The following PPARD variants were observed in gnomAD, a reference collection of about 807,000 sequenced individuals.
PPARD encodes peroxisome proliferator activated receptor delta.
A neutral mutation model predicts 39.5 loss-of-function variants in PPARD; 6 were observed. The ratio of observed to expected loss-of-function variants is 0.15; its 90% CI spans 0.08 to 0.30. The LOEUF (loss-of-function observed/expected upper bound fraction) is 0.30, where lower values mean the gene tolerates loss of function less well. Ranked by LOEUF, PPARD falls within the 10% of genes least tolerant of loss-of-function variation. The pLI, the probability that PPARD is intolerant of heterozygous loss-of-function variation, is 1.00. For missense variants in PPARD, 397 were observed against 596.8 expected (o/e 0.67, Z 3.49); for synonymous variants, 210 against 231.3 (o/e 0.91, Z 0.83).
chr6:35,377,082 G>A (rs1408620895), intron 2 of PPARD, among the ~76,000 whole-genome samples: 1 of 152,008 alleles, frequency 6.6e-6, no homozygotes, highest in African/African-American at 2.4e-5. Context: ...TTGGAGAAGT[G>A]TTCAGCTTCT....
At chr6:35,361,838 G>A (rs779603846) in intron 2 of PPARD, among the ~76,000 whole-genome samples, 4 of 152,222 alleles carry the variant, frequency 2.6e-5, no homozygotes, top group Admixed American at 6.5e-5. Context: ...TCTGGGTGTT[G>A]GGCACGAGGT....
chr6:35,399,023 G>A (rs1764520112), intron 2 of PPARD, among the ~76,000 whole-genome samples: 1 of 152,124 alleles, frequency 6.6e-6, no homozygotes, highest in African/African-American at 2.4e-5. Flanking sequence ...TGAGGTGGGA[G>A]AATTGCTTGA....
intron 2 of PPARD, among the ~76,000 whole-genome samples, chr6:35,396,644 C>T (rs906998671): frequency 4.0e-5 from 6 of 150,480 alleles, no homozygotes; most frequent in Non-Finnish European, 3.0e-5. Flanking sequence ...TCCTGGTTAA[C>T]GTGGTGAAAT....
intron 2 of PPARD, among the ~76,000 whole-genome samples, chr6:35,380,476 GTTTTTTTTTTTTTTTT>G (rs71002557): frequency 0.02 from 1,354 of 67,190 alleles, 41 homozygotes; most frequent in African/African-American, 0.062. Context: ...TTTTTTGTTT[GTTTTTTTTTTTTTTTT>G]TTTTTTTTTT....
At chr6:35,383,399 G>T (rs1334356954) in intron 2 of PPARD, among the ~76,000 whole-genome samples, 1 of 152,164 alleles carries the variant, frequency 6.6e-6, no homozygotes, top group Non-Finnish European at 1.5e-5. Context: ...CCTCCCAGCC[G>T]CCTGCCTTGG....
chr6:35,365,138 T>TA (rs1762139650), intron 2 of PPARD, among the ~76,000 whole-genome samples: 1 of 145,154 alleles, frequency 6.9e-6, no homozygotes, highest in Non-Finnish European at 1.5e-5. Flanking sequence ...TTCTTTTTTT[T>TA]TTTTTTTTTT....
Position 35,412,986 on chromosome 6 carries a change from CAG to C in PPARD, c.130+1770_130+1771del, listed in dbSNP as rs1765524548. Among the ~76,000 whole-genome samples, 1 of 152,092 alleles carries C rather than the reference CAG, an allele frequency of 6.6e-6. No homozygotes were observed. Among genetic ancestry groups the C allele is most frequent in the Non-Finnish European group, 1.5e-5 (1 of 68,014 alleles). On this transcript the variant is annotated intron_variant, in intron 3 of 7. Transcript: ENST00000360694. This position sits in a 1 kb window ranked among gnomAD's most constrained non-coding sequence, Gnocchi z 4.1. ...ATGAGTGTGGGATGTCATGAGGATT[CAG>C]GGGAGAATGCAAGGAGAAGAGACGG...
At chr6:35,391,092 G>C (rs1763975448) in intron 2 of PPARD, among the ~76,000 whole-genome samples, 1 of 152,152 alleles carries the variant, frequency 6.6e-6, no homozygotes, top group African/African-American at 2.4e-5. Context: ...AATATATTGT[G>C]ATATATGATT....
intron 2 of PPARD, among the ~76,000 whole-genome samples, chr6:35,405,813 A>G (rs542059989): frequency 5.3e-4 from 81 of 151,948 alleles, no homozygotes; most frequent in Non-Finnish European, 9.9e-4. Context: ...TATTTTTAGT[A>G]GAGATGGGGT....
chr6:35,376,331 G>A (rs1330038947), intron 2 of PPARD, among the ~76,000 whole-genome samples: 2 of 152,176 alleles, frequency 1.3e-5, no homozygotes, highest in Non-Finnish European at 2.9e-5. Context: ...TACCACCAAA[G>A]TCTCTATATT....
At chr6:35,389,826 G>A (rs551834371) in intron 2 of PPARD, among the ~76,000 whole-genome samples, 45 of 152,340 alleles carry the variant, frequency 3.0e-4, no homozygotes, top group African/African-American at 1.1e-3. Context: ...TACAGGAACT[G>A]TATCATTTTG....
intron 2 of PPARD, chr6:35,348,326 G>A: frequency 2.0e-6 from 2 of 984,140 alleles, no homozygotes; most frequent in Non-Finnish European, 2.4e-6. Flanking sequence ...ATGAGAGCTG[G>A]CCATAACACA....
chr6:35,424,946 A>G lies in PPARD; in HGVS notation c.1078+167A>G, dbSNP rs545495698. 1.4e-6 allele frequency: 2 copies of G among 1,437,674 alleles called. No homozygotes were observed. Among genetic ancestry groups the G allele is most frequent in the East Asian group, 2.5e-5 (1 of 40,038 alleles). 89.1% of individuals were successfully genotyped at this position (1,437,674 alleles called of 1,614,324 possible). On this transcript the variant is annotated intron_variant, in intron 7 of 7. Coordinates refer to ENST00000360694, the MANE Select transcript of PPARD (RefSeq NM_006238.5). The surrounding 1 kb of genome is among the most constrained non-coding windows in gnomAD (Gnocchi z 7.1). ...TGACTGAGCATGCAGGATCAGCTCCATCTCATTATGTACGTAGATAGAGGT... is the reference window on the plus strand; with the variant it reads ...TGACTGAGCATGCAGGATCAGCTCCGTCTCATTATGTACGTAGATAGAGGT...
intron 2 of PPARD, among the ~76,000 whole-genome samples, chr6:35,409,937 A>G (rs9658129): frequency 0.013 from 1,979 of 152,340 alleles, 16 homozygotes; most frequent in Middle Eastern, 0.027. Context: ...AAAACTCCCC[A>G]GTGACTACAG....
chr6:35,360,087 C>T (rs1016018146), intron 2 of PPARD, among the ~76,000 whole-genome samples: 2 of 152,032 alleles, frequency 1.3e-5, no homozygotes, highest in African/African-American at 4.8e-5. Context: ...CTTGGGGCCT[C>T]CTGCAGAGTC....
At chr6:35,358,029 C>T (rs1181545838) in intron 2 of PPARD, among the ~76,000 whole-genome samples, 2 of 152,136 alleles carry the variant, frequency 1.3e-5, no homozygotes, top group Non-Finnish European at 2.9e-5. Flanking sequence ...TTTATAACCC[C>T]TGTAACCTGT....
chr6:35,350,878 C>T (rs1288150295), intron 2 of PPARD, among the ~76,000 whole-genome samples: 3 of 152,116 alleles, frequency 2.0e-5, no homozygotes, highest in Non-Finnish European at 4.4e-5. Context: ...CTGCCCACCT[C>T]GGTCTCCCAA....
intron 2 of PPARD, among the ~76,000 whole-genome samples, chr6:35,385,931 G>A (rs1003959149): frequency 1.3e-5 from 2 of 152,088 alleles, no homozygotes; most frequent in Non-Finnish European, 2.9e-5. Context: ...TAGGAAAGGA[G>A]GATCATCATT....
chr6:35,415,456 A>G (rs192978890), intron 3 of PPARD, among the ~76,000 whole-genome samples: 15 of 152,376 alleles, frequency 9.8e-5, no homozygotes, highest in Non-Finnish European at 1.8e-4. Context: ...GCTCTCAGCC[A>G]CAAATGATGT....
Sources: allele counts gnomAD v4.1 joint callset (sites outside exome capture counted in the v4.1 genomes callset), GRCh38; gene constraint gnomAD v4.1.1; non-coding constraint Gnocchi (gnomAD v3.1); transcripts MANE v1.5; gene names NCBI Gene and HGNC (gene_info 2026-07-23, HGNC 2026-07-21).